The following ANO1 variants were observed in gnomAD, a reference collection of about 807,000 sequenced individuals.
ANO1 encodes the protein anoctamin 1, also known as anoctamin-1.
In ANO1, 59 loss-of-function variants were observed where a neutral mutation model predicts 124.0. That is an observed-to-expected ratio of 0.48 (90% confidence interval 0.39 to 0.59). The LOEUF is 0.59. Among genes scored for constraint, ANO1 ranks in the 20% least tolerant of loss-of-function variants. The probability of loss-of-function intolerance (pLI) is 0.00; values close to 1 mark genes in which losing one functional copy is unlikely to be tolerated. For missense variants in ANO1, 1,059 were observed against 1,328.0 expected (o/e 0.80, Z 3.15); for synonymous variants, 529 against 532.0 (o/e 0.99, Z 0.08).
At chr11:69,975,930 C>T in the ANO1 span, among the ~76,000 whole-genome samples, 1 of 152,102 alleles carries the variant, frequency 6.6e-6, no homozygotes, top group African/African-American at 2.4e-5. Context: ...GTGTTGAGAC[C>T]CTCGGTGCCC....
chr11:70,101,948 C>T (rs1301867789), intron 2 of ANO1, among the ~76,000 whole-genome samples: 1 of 152,240 alleles, frequency 6.6e-6, no homozygotes, highest in Non-Finnish European at 1.5e-5. Flanking sequence ...GGAGACTCGG[C>T]ACTGTTTCCC....
intron 22 of ANO1, among the ~76,000 whole-genome samples, chr11:70,174,190 G>A (rs991672776): frequency 1.3e-5 from 2 of 151,418 alleles, no homozygotes; most frequent in African/African-American, 4.9e-5. Context: ...CACCCATCTC[G>A]GCCTCCCAAA....
At chr11:70,054,939 A>G (rs540728843) in intron 1 of ANO1, among the ~76,000 whole-genome samples, 2 of 152,336 alleles carry the variant, frequency 1.3e-5, no homozygotes, top group South Asian at 2.1e-4. Flanking sequence ...CCATAATACG[A>G]TATGGGATAT....
intron 1 of ANO1, among the ~76,000 whole-genome samples, chr11:70,032,449 G>C (rs1555003910): frequency 6.6e-6 from 1 of 152,020 alleles, no homozygotes; most frequent in East Asian, 1.9e-4. Flanking sequence ...GTGTGATTCT[G>C]TCTGGAGAGG....
intron 3 of ANO1, 100 bp downstream of exon 3, chr11:70,103,264 T>A (rs186339706): frequency 6.1e-6 from 5 of 823,192 alleles, no homozygotes; most frequent in African/African-American, 1.8e-5. Context: ...CTGAGTTTTA[T>A]AAAAAAAAAA....
At chr11:70,079,931 AGGAGCACTG>A (rs1301824453) in intron 1 of ANO1, among the ~76,000 whole-genome samples, 5 of 152,250 alleles carry the variant, frequency 3.3e-5, no homozygotes, top group Admixed American at 6.5e-5. Flanking sequence ...CAGAGCTGCC[AGGAGCACTG>A]GGAACAGGTG....
At chr11:70,127,500 G>A (rs1027981397) in intron 10 of ANO1, among the ~76,000 whole-genome samples, 5 of 152,216 alleles carry the variant, frequency 3.3e-5, no homozygotes, top group Non-Finnish European at 4.4e-5. Flanking sequence ...GCCTCGCCTC[G>A]CTCAGGGGCC....
intron 11 of ANO1, among the ~76,000 whole-genome samples, chr11:70,140,142 C>T (rs1046623750): frequency 6.6e-6 from 1 of 152,234 alleles, no homozygotes; most frequent in African/African-American, 2.4e-5. Flanking sequence ...AGAAAGGGGT[C>T]TTGAGCCACA....
Position 70,116,317 on chromosome 11 carries a change from CTG to C in ANO1, c.856-136_856-135del, listed in dbSNP as rs2135430318. 6 of 907,082 alleles carry C rather than the reference CTG, an allele frequency of 6.6e-6. No individual in the cohort carries two copies. The East Asian group carries it at 1.7e-4, about 25-fold the overall frequency. The allele number at this position is 907,082 out of a possible 1,614,324, so 56.2% of individuals were successfully genotyped here. A position where few individuals can be genotyped will look rare whatever the true frequency, so the allele number is the denominator to read the frequency against. On this transcript the variant is annotated intron_variant, in intron 7 of 25. Coordinates refer to ENST00000355303, the MANE Select transcript of ANO1 (RefSeq NM_018043.7). Reference sequence around the variant, plus strand: ...GGCACACCTGGGCAACCCTCACACTCTGTGTGAAATGTTGCCCCAGGATGATC... The same window carrying C: ...GGCACACCTGGGCAACCCTCACACTCTGTGAAATGTTGCCCCAGGATGATC...
chr11:69,989,766 G>A (rs1007237872), intron 1 of ANO1, among the ~76,000 whole-genome samples: 1 of 152,114 alleles, frequency 6.6e-6, no homozygotes, highest in Non-Finnish European at 1.5e-5. Context: ...GCACGAGGCA[G>A]GTAGGGGAGG....
intron 1 of ANO1, among the ~76,000 whole-genome samples, chr11:70,021,718 AG>A (rs1856813731): frequency 6.6e-6 from 1 of 152,208 alleles, no homozygotes; most frequent in East Asian, 1.9e-4. Flanking sequence ...AGGCTGGGCA[AG>A]GCCTCGGGAG....
chr11:70,174,828 C>T lies in ANO1; in HGVS notation c.2350+3789C>T, dbSNP rs367603459. ...GGGTCTGCTCACCAGGTTCTCCCTGCAGTCCTCGGAAATTCTGGAGCTCCC... is the reference window on the plus strand; with the variant it reads ...GGGTCTGCTCACCAGGTTCTCCCTGTAGTCCTCGGAAATTCTGGAGCTCCC... On this transcript the variant is annotated intron_variant, in intron 22 of 25. Transcript: ENST00000355303. Among the ~76,000 whole-genome samples, 27 of 152,256 alleles carry T rather than the reference C, an allele frequency of 1.8e-4. 1 individual carries two copies. The East Asian group carries it at 4.0e-3, about 23-fold the overall frequency.
intron 1 of ANO1, among the ~76,000 whole-genome samples, chr11:70,036,905 C>A (rs1857103408): frequency 6.6e-6 from 1 of 152,212 alleles, no homozygotes; most frequent in Non-Finnish European, 1.5e-5. Flanking sequence ...CCGTGCCTAG[C>A]CTGTATGTGG....
chr11:70,075,576 C>T (rs1447628787), upstream of ANO1: 4 of 152,106 alleles, frequency 2.6e-5, no homozygotes, highest in Non-Finnish European at 4.4e-5. Flanking sequence ...CTGGGAGGCC[C>T]GGAGCTTCCC....
intron 8 of ANO1, among the ~76,000 whole-genome samples, chr11:70,118,642 C>T (rs553735941): frequency 7.0e-5 from 7 of 99,598 alleles, no homozygotes; most frequent in African/African-American, 1.2e-4. Context: ...AATGGGTGGA[C>T]GGATGAATAG....
intron 1 of ANO1, among the ~76,000 whole-genome samples, chr11:70,069,418 G>A (rs529787391): frequency 2.6e-5 from 4 of 152,060 alleles, no homozygotes; most frequent in African/African-American, 7.2e-5. Context: ...GAAAATTGAC[G>A]AATAAACTCC....
intron 7 of ANO1, 108 bp from the exon 8 acceptor site, chr11:70,116,350 T>A: frequency 3.5e-6 from 4 of 1,137,272 alleles, no homozygotes; most frequent in Non-Finnish European, 5.1e-6. Context: ...TGATCTTAAT[T>A]TGTGTCAACG....
intron 23 of ANO1, among the ~76,000 whole-genome samples, chr11:70,180,647 C>T (rs772758888): frequency 4.0e-5 from 6 of 151,812 alleles, no homozygotes; most frequent in Non-Finnish European, 8.8e-5. Context: ...AAACAAGAGA[C>T]AGAGATAGGT....
At chr11:70,008,203 T>C (rs1856528298) in intron 1 of ANO1, among the ~76,000 whole-genome samples, 1 of 152,238 alleles carries the variant, frequency 6.6e-6, no homozygotes, top group South Asian at 2.1e-4. Context: ...TTCTACTCAG[T>C]AAATTGCCGT....
Sources: allele counts gnomAD v4.1 joint callset (sites outside exome capture counted in the v4.1 genomes callset), GRCh38; gene constraint gnomAD v4.1.1; transcripts MANE v1.5; gene names NCBI Gene and HGNC (gene_info 2026-07-23, HGNC 2026-07-21).